The following EHBP1 variants were observed in gnomAD, a reference collection of about 807,000 sequenced individuals.
EHBP1 encodes the protein EH domain binding protein 1.
EHBP1 carries 55 observed loss-of-function variants against 144.0 expected under a neutral mutation model. The ratio of observed to expected loss-of-function variants is 0.38; its 90% CI spans 0.31 to 0.48. The LOEUF is 0.48. Ranked by LOEUF, EHBP1 falls within the 20% of genes least tolerant of loss-of-function variation. The pLI is 0.98. For missense variants in EHBP1, 1,200 were observed against 1,364.2 expected, an observed-to-expected ratio of 0.88 and a Z score of 1.90; for synonymous variants, 469 against 472.7, an observed-to-expected ratio of 0.99 and a Z score of 0.10.
chr2:62,839,871 C>T (rs1225321239), intron 7 of EHBP1, among the ~76,000 whole-genome samples: 1 of 151,466 alleles, frequency 6.6e-6, no homozygotes, highest in Non-Finnish European at 1.5e-5. Flanking sequence ...ATTCCATGCT[C>T]ATGGGTAGGA....
chr2:62,741,068 G>C (rs1381240422), intron 2 of EHBP1, among the ~76,000 whole-genome samples: 1 of 152,026 alleles, frequency 6.6e-6, no homozygotes, highest in Non-Finnish European at 1.5e-5. Flanking sequence ...AGGTCAACTG[G>C]CCTTCTGTGT....
chr2:62,990,131 A>G (rs2059355626), intron 15 of EHBP1, among the ~76,000 whole-genome samples: 2 of 152,238 alleles, frequency 1.3e-5, no homozygotes, highest in Non-Finnish European at 2.9e-5. Context: ...ACATTCCAAA[A>G]ATGTAATAAT....
At chr2:62,741,286 G>T (rs2038684876) in intron 2 of EHBP1, among the ~76,000 whole-genome samples, 1 of 152,152 alleles carries the variant, frequency 6.6e-6, no homozygotes, top group African/African-American at 2.4e-5. Flanking sequence ...GGTTGGAAAG[G>T]TCTGGGAGTA....
At chr2:62,810,512 A>G (rs1484744124) in intron 5 of EHBP1, among the ~76,000 whole-genome samples, 1 of 152,346 alleles carries the variant, frequency 6.6e-6, no homozygotes, top group Admixed American at 6.5e-5. Context: ...CACTAAGATG[A>G]GAAACTAAGA....
intron 10 of EHBP1, chr2:62,881,704 G>A (rs927422094): frequency 1.3e-5 from 2 of 152,054 alleles, no homozygotes; most frequent in African/African-American, 2.4e-5. Context: ...ATTTTAATAC[G>A]TGATGACTAC....
chr2:62,685,147 A>C (rs552787549), intron 1 of EHBP1, among the ~76,000 whole-genome samples: 1 of 152,354 alleles, frequency 6.6e-6, no homozygotes, highest in African/African-American at 2.4e-5. Flanking sequence ...AGTACATTAT[A>C]ATATCACTAA....
chr2:63,039,091 G>A (rs1482118769), intron 21 of EHBP1, among the ~76,000 whole-genome samples: 2 of 152,152 alleles, frequency 1.3e-5, no homozygotes, highest in African/African-American at 2.4e-5. Flanking sequence ...AATAAAAGGA[G>A]TTGATTGATT....
chr2:62,810,195 G>A (rs190162836), intron 5 of EHBP1, among the ~76,000 whole-genome samples: 7 of 152,196 alleles, frequency 4.6e-5, no homozygotes, highest in South Asian at 2.1e-4. Context: ...GTACCTCTCC[G>A]TATATTTATA....
intron 10 of EHBP1, among the ~76,000 whole-genome samples, chr2:62,896,696 C>A (rs867043863): frequency 3.1e-3 from 460 of 147,634 alleles, no homozygotes; most frequent in Non-Finnish European, 3.7e-3. Context: ...AAAAAAAAAA[C>A]AAAAAACCCT....
At chr2:62,862,293 A>G (rs1360496844) in intron 8 of EHBP1, among the ~76,000 whole-genome samples, 1 of 152,190 alleles carries the variant, frequency 6.6e-6, no homozygotes, top group Non-Finnish European at 1.5e-5. Context: ...CATGTACAGT[A>G]TACGTGGTTT....
chr2:62,952,305 A>G (rs1243867793), intron 13 of EHBP1, among the ~76,000 whole-genome samples: 1 of 152,324 alleles, frequency 6.6e-6, no homozygotes, highest in East Asian at 1.9e-4. Flanking sequence ...ATTTTGGACA[A>G]TTAAAAATCT....
intron 5 of EHBP1, among the ~76,000 whole-genome samples, chr2:62,820,048 T>C (rs1303493221): frequency 6.6e-6 from 1 of 151,674 alleles, no homozygotes; most frequent in African/African-American, 2.4e-5. Context: ...CCATCTCTAC[T>C]AAAAATACAA....
chr2:62,720,675 A>G (rs1339730048), intron 2 of EHBP1, among the ~76,000 whole-genome samples: 4 of 152,188 alleles, frequency 2.6e-5, no homozygotes, highest in Non-Finnish European at 4.4e-5. Context: ...TTTATTTTGA[A>G]ACTTTTTATG....
At chr2:62,943,119 A>G (rs896463791) in intron 11 of EHBP1, among the ~76,000 whole-genome samples, 1 of 152,128 alleles carries the variant, frequency 6.6e-6, no homozygotes, top group Admixed American at 6.5e-5. Context: ...GCTCACGCCT[A>G]TAATCTCAGC....
chr2:62,902,625 A>G (rs2053504009), intron 10 of EHBP1, among the ~76,000 whole-genome samples: 1 of 152,228 alleles, frequency 6.6e-6, no homozygotes, highest in African/African-American at 2.4e-5. Flanking sequence ...TCTTTCTGTC[A>G]TCTTATTCCA....
chr2:62,825,184 A>G (rs974268770), intron 5 of EHBP1, among the ~76,000 whole-genome samples: 3 of 152,036 alleles, frequency 2.0e-5, no homozygotes, highest in African/African-American at 4.8e-5. Context: ...TCCCTTTGCC[A>G]TAGAACCTGC....
At chr2:63,030,047 G>A (rs968171269) in intron 19 of EHBP1, among the ~76,000 whole-genome samples, 1 of 152,050 alleles carries the variant, frequency 6.6e-6, no homozygotes, top group Admixed American at 6.6e-5. Flanking sequence ...AGCCATATTG[G>A]GTGTGGATGC....
chr2:62,955,235 A>G (rs1377998872), intron 13 of EHBP1, among the ~76,000 whole-genome samples: 1 of 152,136 alleles, frequency 6.6e-6, no homozygotes, highest in Non-Finnish European at 1.5e-5. Context: ...AATATATAGA[A>G]TATATATTAG....
At chr2:62,965,134 G>A (rs1040920247) in intron 14 of EHBP1, 2 of 152,482 alleles carry the variant, frequency 1.3e-5, no homozygotes, top group African/African-American at 4.8e-5. Flanking sequence ...GTAGTGCAGT[G>A]ACTTTATACT....
Sources: allele counts gnomAD v4.1 joint callset (sites outside exome capture counted in the v4.1 genomes callset), GRCh38; gene constraint gnomAD v4.1.1; transcripts MANE v1.5; gene names NCBI Gene and HGNC (gene_info 2026-07-23, HGNC 2026-07-21).